CDH18: variants seen among roughly 807,000 people sequenced by gnomAD.
CDH18 encodes the protein cadherin 18, also known as cadherin-18.
Under a neutral mutation model 67.9 loss-of-function variants are expected in CDH18, and 31 were observed. The observed-to-expected ratio is 0.46, with a 90% CI of 0.34 to 0.62. The LOEUF (loss-of-function observed/expected upper bound fraction) is 0.62, where lower values mean the gene tolerates loss of function less well. Ranked by LOEUF, CDH18 falls within the 20% of genes least tolerant of loss-of-function variation. The pLI, the probability that CDH18 is intolerant of heterozygous loss-of-function variation, is 0.01. For synonymous variants in CDH18, 362 were observed against 347.2 expected (o/e 1.04, Z -0.48); for missense variants, 890 against 975.5 (o/e 0.91, Z 1.17).
chr5:20,388,156 T>A (rs1744480198), intron 1 of CDH18, among the ~76,000 whole-genome samples: 1 of 152,234 alleles, frequency 6.6e-6, no homozygotes, highest in Admixed American at 6.5e-5. Context: ...CAGTTCCTCC[T>A]TGTACCTCTG....
intron 5 of CDH18, among the ~76,000 whole-genome samples, chr5:19,654,182 T>C (rs1580715180): frequency 6.6e-6 from 1 of 152,146 alleles, no homozygotes; most frequent in African/African-American, 2.4e-5. Flanking sequence ...ATTTTAAAAA[T>C]AGAATGGGTG....
intron 2 of CDH18, among the ~76,000 whole-genome samples, chr5:20,164,341 C>A (rs779886563): frequency 6.6e-6 from 1 of 152,116 alleles, no homozygotes; most frequent in African/African-American, 2.4e-5. Flanking sequence ...GGCTGTAGTG[C>A]AGTGGTGTGA....
At chr5:19,603,980 T>C (rs1018972824) in intron 6 of CDH18, among the ~76,000 whole-genome samples, 1 of 151,754 alleles carries the variant, frequency 6.6e-6, no homozygotes, top group Non-Finnish European at 1.5e-5. Context: ...TCTCACTGTG[T>C]AACAGCTTTG....
intron 1 of CDH18, among the ~76,000 whole-genome samples, chr5:20,532,377 C>T (rs962601863): frequency 2.0e-5 from 3 of 152,108 alleles, no homozygotes; most frequent in Non-Finnish European, 2.9e-5. Context: ...CCTAACTTCC[C>T]TGAGAGTCTC....
At chr5:19,800,493 G>A (rs1036528279) in intron 3 of CDH18, among the ~76,000 whole-genome samples, 3 of 151,918 alleles carry the variant, frequency 2.0e-5, no homozygotes, top group African/African-American at 7.2e-5. Context: ...CCCAAAGAGG[G>A]GTTTTCTGTA....
intron 2 of CDH18, among the ~76,000 whole-genome samples, chr5:20,095,907 T>C (rs1418347880): frequency 6.6e-6 from 1 of 151,396 alleles, no homozygotes; most frequent in Non-Finnish European, 1.5e-5. Context: ...TATTAGCAGA[T>C]TGGATGTAGC....
chr5:19,845,490 G>A (rs918839758), intron 2 of CDH18, among the ~76,000 whole-genome samples: 1 of 152,122 alleles, frequency 6.6e-6, no homozygotes, highest in Non-Finnish European at 1.5e-5. Context: ...TTTTGATGCA[G>A]TTGGGTGTAA....
chr5:20,536,808 T>C (rs1325846335), intron 1 of CDH18, among the ~76,000 whole-genome samples: 1 of 147,044 alleles, frequency 6.8e-6, no homozygotes, highest in Non-Finnish European at 1.5e-5. Context: ...ATGAGTATTA[T>C]ATTTTTGATT....
intron 2 of CDH18, among the ~76,000 whole-genome samples, chr5:19,939,421 T>C (rs1325137851): frequency 1.3e-5 from 2 of 151,752 alleles, no homozygotes; most frequent in Non-Finnish European, 3.0e-5. Flanking sequence ...TATATACTTA[T>C]TTAATTTCTA....
intron 8 of CDH18, among the ~76,000 whole-genome samples, chr5:19,568,615 C>T (rs1740841432): frequency 6.6e-6 from 1 of 152,006 alleles, no homozygotes; most frequent in Non-Finnish European, 1.5e-5. Context: ...GATGTGTGCT[C>T]TCGTAAAAAG....
chr5:20,263,026 A>C (rs1744774174), intron 1 of CDH18, among the ~76,000 whole-genome samples: 1 of 126,846 alleles, frequency 7.9e-6, no homozygotes, highest in Non-Finnish European at 1.7e-5. Flanking sequence ...GGGAAGGGGA[A>C]GAAGGGACAG....
At chr5:19,835,316 C>A (rs1283214717) in intron 3 of CDH18, among the ~76,000 whole-genome samples, 1 of 151,882 alleles carries the variant, frequency 6.6e-6, no homozygotes, top group South Asian at 2.1e-4. Context: ...GGGAGTTGAA[C>A]ATTGAGAACA....
intron 10 of CDH18, among the ~76,000 whole-genome samples, chr5:19,517,721 A>T (rs1174398411): frequency 1.3e-5 from 2 of 152,094 alleles, no homozygotes; most frequent in Non-Finnish European, 2.9e-5. Context: ...AATAACTTTC[A>T]GCTATAATCA....
At chr5:19,973,785 T>C (rs1025690749) in intron 2 of CDH18, among the ~76,000 whole-genome samples, 4 of 151,834 alleles carry the variant, frequency 2.6e-5, no homozygotes, top group African/African-American at 4.8e-5. Context: ...TTAATGAGCA[T>C]AGATAGGGAT....
intron 2 of CDH18, among the ~76,000 whole-genome samples, chr5:19,917,279 G>C (rs1223634754): frequency 6.6e-6 from 1 of 151,952 alleles, no homozygotes; most frequent in Admixed American, 6.6e-5. Context: ...GGGATCTTTT[G>C]TGTCAAATGT....
In CDH18 at chr5:19,747,047, C is replaced by G; in HGVS notation, c.418G>C (p.Glu140Gln). The G allele has an allele frequency of 6.2e-7, 1 of 1,614,112 alleles. No individual in the cohort carries two copies. Among genetic ancestry groups the G allele is most frequent in the Non-Finnish European group, 8.5e-7 (1 of 1,180,004 alleles). ...TTGATGATGAACTCGGATTCAGGCT[C>G]AAGAGGTTTGTTTGTACGTCTATCA... ...AIDRRTNKPLEPESEFIIKVQ... is the reference protein window; with the variant it reads ...AIDRRTNKPLQPESEFIIKVQ... The change falls in exon 4 of 13, where the codon GAG becomes CAG. Residue 140 changes from glutamate to glutamine, a missense_variant. By Grantham distance (29) the Glu-to-Gln change is conservative (BLOSUM62 2). This residue lies in a region of CDH18 where 234 missense variants were observed against 307.4 expected (regional missense o/e 0.76). Transcript: ENST00000382275.
At chr5:20,406,550 C>T (rs968413520) in intron 1 of CDH18, among the ~76,000 whole-genome samples, 1 of 148,802 alleles carries the variant, frequency 6.7e-6, no homozygotes, top group African/African-American at 2.5e-5. Context: ...ACGTTGTGCA[C>T]ATGTACCCTA....
intron 5 of CDH18, among the ~76,000 whole-genome samples, chr5:19,701,801 T>A (rs1186344290): frequency 6.6e-6 from 1 of 152,116 alleles, no homozygotes; most frequent in East Asian, 1.9e-4. Flanking sequence ...AAACTCTTTA[T>A]CTGAGGAATT....
At chr5:19,492,668 T>C (rs1282795377) in intron 11 of CDH18, among the ~76,000 whole-genome samples, 5 of 152,110 alleles carry the variant, frequency 3.3e-5, no homozygotes, top group Non-Finnish European at 7.4e-5. Context: ...TAAAGTTATG[T>C]TATTACCAAC....
Sources: allele counts gnomAD v4.1 joint callset (sites outside exome capture counted in the v4.1 genomes callset), GRCh38; gene constraint gnomAD v4.1.1; regional missense constraint gnomAD v4.1.1; transcripts MANE v1.5; gene names NCBI Gene and HGNC (gene_info 2026-07-23, HGNC 2026-07-21).